The following ITGA9 variants were observed in gnomAD, a reference collection of about 807,000 sequenced individuals.
ITGA9 encodes the protein integrin alpha-9.
In ITGA9, 56 loss-of-function variants were observed where a neutral mutation model predicts 127.8. The observed-to-expected ratio is 0.44, with a 90% CI of 0.35 to 0.55. ITGA9 has a LOEUF of 0.55. Among genes scored for constraint, ITGA9 ranks in the 20% least tolerant of loss-of-function variants. The pLI, the probability that ITGA9 is intolerant of heterozygous loss-of-function variation, is 0.00. For missense variants in ITGA9, 1,196 were observed against 1,347.1 expected, an observed-to-expected ratio of 0.89 and a Z score of 1.76; for synonymous variants, 508 against 514.5, an observed-to-expected ratio of 0.99 and a Z score of 0.17.
At chr3:37,769,878 A>G (rs988600106) in intron 23 of ITGA9, among the ~76,000 whole-genome samples, 1 of 152,116 alleles carries the variant, frequency 6.6e-6, no homozygotes, top group South Asian at 2.1e-4. Flanking sequence ...ATAAACAGTG[A>G]GGTGGTGGTC....
intron 17 of ITGA9, among the ~76,000 whole-genome samples, chr3:37,675,736 A>T (rs1024874039): frequency 6.7e-6 from 1 of 149,466 alleles, no homozygotes; most frequent in Non-Finnish European, 1.5e-5. Flanking sequence ...TCAATTTTTA[A>T]AAACTACTTT....
At chr3:37,730,310 C>CA (rs1307457817) in intron 18 of ITGA9, among the ~76,000 whole-genome samples, 1 of 152,186 alleles carries the variant, frequency 6.6e-6, no homozygotes, top group African/African-American at 2.4e-5. Flanking sequence ...CTGATGTCCA[C>CA]AGGCCAATTA....
chr3:37,777,538 T>TG, intron 24 of ITGA9, 21 bp downstream of exon 24: 1 of 1,613,826 alleles, frequency 6.2e-7, no homozygotes, highest in Non-Finnish European at 8.5e-7. Context: ...GTTTAGTGGT[T>TG]GGGGTAACAC....
chr3:37,548,858 C>T (rs942048787), intron 15 of ITGA9, among the ~76,000 whole-genome samples: 3 of 152,208 alleles, frequency 2.0e-5, no homozygotes, highest in African/African-American at 7.2e-5. Context: ...GTGCCCTTGG[C>T]AGGCTCTCCT....
chr3:37,617,994 G>A (rs921616851), intron 15 of ITGA9, among the ~76,000 whole-genome samples: 7 of 152,254 alleles, frequency 4.6e-5, no homozygotes, highest in African/African-American at 1.2e-4. Flanking sequence ...GCTTTGTTCC[G>A]TTGCTGGTGA....
chr3:37,748,532 G>A (rs1696536811), intron 22 of ITGA9: 1 of 474,160 alleles, frequency 2.1e-6, no homozygotes. Context: ...CGGATCACCT[G>A]AGGTCAGGAG....
chr3:37,520,138 C>G (rs1699029281), intron 11 of ITGA9, among the ~76,000 whole-genome samples: 1 of 152,166 alleles, frequency 6.6e-6, no homozygotes. Flanking sequence ...CAGGTAAATG[C>G]AAGTACAACT....
intron 18 of ITGA9, among the ~76,000 whole-genome samples, chr3:37,718,798 C>T (rs1559577621): frequency 1.3e-5 from 2 of 152,188 alleles, no homozygotes; most frequent in South Asian, 4.1e-4. Context: ...TCTGCGGCCA[C>T]ACAGAGGGGC....
chr3:37,726,404 C>G (rs1204992044), intron 18 of ITGA9, among the ~76,000 whole-genome samples: 1 of 152,210 alleles, frequency 6.6e-6, no homozygotes, highest in Non-Finnish European at 1.5e-5. Flanking sequence ...ATAAGCAGGT[C>G]ACTGACCACA....
intron 13 of ITGA9, 129 bp downstream of exon 13, chr3:37,526,200 T>C: frequency 1.2e-6 from 1 of 804,936 alleles, no homozygotes; most frequent in Non-Finnish European, 2.2e-6. Flanking sequence ...GTGGAAATGC[T>C]ACCTTATTTT....
chr3:37,699,165 G>A (rs1188692047), intron 18 of ITGA9, among the ~76,000 whole-genome samples: 4 of 152,080 alleles, frequency 2.6e-5, no homozygotes, highest in Admixed American at 6.5e-5. Context: ...CTGTGTATAC[G>A]CATTCCCTGG....
intron 15 of ITGA9, among the ~76,000 whole-genome samples, chr3:37,610,771 C>T (rs1000908815): frequency 3.3e-5 from 5 of 152,152 alleles, no homozygotes; most frequent in African/African-American, 1.2e-4. Flanking sequence ...CCACCCTTTC[C>T]CGCAAAGAGG....
chr3:37,505,956 C>A, intron 6 of ITGA9, 44 bp from the exon 7 acceptor site: 1 of 1,380,550 alleles, frequency 7.2e-7, no homozygotes, highest in Non-Finnish European at 1.0e-6. Flanking sequence ...TTTCCCTTCC[C>A]TTCTTTTTCA....
intron 21 of ITGA9, 102 bp downstream of exon 21, chr3:37,741,921 G>A (rs1696442417): frequency 1.1e-6 from 1 of 882,678 alleles, no homozygotes; most frequent in East Asian, 2.6e-5. Flanking sequence ...GCCAAGGGCT[G>A]TGCCACCTCC....
At chr3:37,485,303 T>C (rs1398634729) in intron 4 of ITGA9, among the ~76,000 whole-genome samples, 1 of 152,142 alleles carries the variant, frequency 6.6e-6, no homozygotes, top group South Asian at 2.1e-4. Flanking sequence ...AGACTGGTCA[T>C]GGTGGTGGGA....
intron 1 of ITGA9, among the ~76,000 whole-genome samples, chr3:37,470,140 G>GTTTTTTT (rs71288094): frequency 1.5e-5 from 2 of 133,100 alleles, no homozygotes; most frequent in South Asian, 2.4e-4. Flanking sequence ...GTTTCTTCTT[G>GTTTTTTT]TTTTTTTTTT....
At position 37,777,374 on chromosome 3, in the gene ITGA9, G is replaced by A. The variant is rs754084895; in HGVS notation, c.2542-18G>A. 5.6e-6 allele frequency: 9 copies of A among 1,613,824 alleles called. No individual in the cohort carries two copies. In the African/African-American group the frequency reaches 1.1e-4, roughly 19 times the overall value. ...TTCTTGAGAATGACTCCTCTGACAG[G>A]CCTCTTTTCATTTGCAGGTGGGCCA... On this transcript the variant is annotated intron_variant, in intron 23 of 27. Coordinates refer to ENST00000264741, the MANE Select transcript of ITGA9 (RefSeq NM_002207.3).
At chr3:37,637,182 A>G (rs1169310188) in intron 16 of ITGA9, among the ~76,000 whole-genome samples, 1 of 152,010 alleles carries the variant, frequency 6.6e-6, no homozygotes, top group African/African-American at 2.4e-5. Flanking sequence ...AGTCATTGGT[A>G]GCTTGATGGG....
rs556475716 is a variant in ITGA9 at position 37,782,938 on chromosome 3, G to C, written c.2788-2039G>C. Among the ~76,000 whole-genome samples the C allele has an allele frequency of 5.9e-5, 9 of 152,274 alleles. No homozygotes were observed. The South Asian group carries it at 1.2e-3, about 21-fold the overall frequency. Reference sequence around the variant, plus strand: ...GCATATCACAAGGTCAGGAATTCAAGACCAGCCTGGCCAACATGGTGAAAC... The same window carrying C: ...GCATATCACAAGGTCAGGAATTCAACACCAGCCTGGCCAACATGGTGAAAC... On this transcript the variant is annotated intron_variant, in intron 25 of 27. Transcript: ENST00000264741.
Sources: gnomAD v4.1 joint callset for allele counts (sites outside exome capture counted in the v4.1 genomes callset) on GRCh38, gnomAD v4.1.1 for gene constraint, MANE v1.5 for transcripts, NCBI Gene and HGNC (gene_info 2026-07-23, HGNC 2026-07-21) for gene names.